PPP2R2C: variants seen among roughly 807,000 people sequenced by gnomAD.
The protein encoded by PPP2R2C is protein phosphatase 2 regulatory subunit Bgamma, also known as protein phosphatase 2, regulatory subunit B, gamma.
A neutral mutation model predicts 45.3 loss-of-function variants in PPP2R2C; 10 were observed. The observed-to-expected ratio is 0.22, with a 90% CI of 0.14 to 0.37. PPP2R2C has a LOEUF of 0.37. Ranked by LOEUF, PPP2R2C falls within the 10% of genes least tolerant of loss-of-function variation. PPP2R2C has a pLI of 1.00. For missense variants in PPP2R2C, 308 were observed against 619.7 expected (o/e 0.50, Z 5.34); for synonymous variants, 257 against 245.4 (o/e 1.05, Z -0.44).
At chr4:6,490,596 A>G (rs1164930659) in intron 2 of PPP2R2C, among the ~76,000 whole-genome samples, 1 of 152,152 alleles carries the variant, frequency 6.6e-6, no homozygotes, top group East Asian at 1.9e-4. Flanking sequence ...GACAGGTGGG[A>G]CAGAGGAATG....
chr4:6,562,815 G>C (rs1021268661), intron 1 of PPP2R2C, among the ~76,000 whole-genome samples: 2 of 152,110 alleles, frequency 1.3e-5, no homozygotes, highest in Non-Finnish European at 2.9e-5. Context: ...GCAGCGTCTC[G>C]GGCCACAGAG....
At chr4:6,455,919 G>A (rs1721000213) in intron 1 of PPP2R2C, among the ~76,000 whole-genome samples, 1 of 152,066 alleles carries the variant, frequency 6.6e-6, no homozygotes, top group African/African-American at 2.4e-5. Context: ...GCTGCAACGG[G>A]CCCACTGCAT....
At chr4:6,506,706 G>A (rs4076293) in intron 2 of PPP2R2C, among the ~76,000 whole-genome samples, 22,716 of 152,252 alleles carry the variant, frequency 0.15, 1,813 homozygotes, top group Non-Finnish European at 0.17. Context: ...TGGGCAGACT[G>A]ACTGGGCTTA....
At chr4:6,558,876 G>A (rs2108845878) in intron 1 of PPP2R2C, among the ~76,000 whole-genome samples, 1 of 152,260 alleles carries the variant, frequency 6.6e-6, no homozygotes, top group Middle Eastern at 3.4e-3. Flanking sequence ...CTCCATCACA[G>A]CCCCCAAAGC....
intron 2 of PPP2R2C, among the ~76,000 whole-genome samples, chr4:6,483,125 AGATAGATAGATAGATAGATT>A (rs1722415513): frequency 2.3e-5 from 2 of 88,470 alleles, no homozygotes; most frequent in South Asian, 8.0e-4. Context: ...ATAGATAGAT[AGATAGATAGATAGATAGATT>A]GATTGATTGA....
chr4:6,443,140 G>C (rs989744165), intron 1 of PPP2R2C, among the ~76,000 whole-genome samples: 5 of 152,128 alleles, frequency 3.3e-5, no homozygotes, highest in Non-Finnish European at 7.3e-5. Flanking sequence ...CTCTGGGAGA[G>C]ATGAGGCCCC....
intron 2 of PPP2R2C, among the ~76,000 whole-genome samples, chr4:6,532,228 G>A (rs1400584429): frequency 2.0e-5 from 3 of 152,196 alleles, no homozygotes; most frequent in African/African-American, 7.2e-5. Context: ...CGACTGCCTT[G>A]GTCATGATCA....
At chr4:6,473,793 T>C (rs1317083710), upstream of PPP2R2C, among the ~76,000 whole-genome samples, 1 of 152,152 alleles carries the variant, frequency 6.6e-6, no homozygotes, top group Non-Finnish European at 1.5e-5. Flanking sequence ...GGTGATGCCG[T>C]CTCAGATTTC....
At chr4:6,512,188 G>T (rs1171298377) in intron 2 of PPP2R2C, among the ~76,000 whole-genome samples, 1 of 83,044 alleles carries the variant, frequency 1.2e-5, no homozygotes, top group Non-Finnish European at 2.5e-5. Context: ...GATGGTGGTG[G>T]TGGTGGTGGT....
chr4:6,406,711 CGCACCACT>C (rs1717819189), intron 1 of PPP2R2C, among the ~76,000 whole-genome samples: 1 of 152,062 alleles, frequency 6.6e-6, no homozygotes, highest in Non-Finnish European at 1.5e-5. Flanking sequence ...GAGCCGAGAT[CGCACCACT>C]GCACTCCAGC....
chr4:6,554,162 C>G (rs2108842148), intron 1 of PPP2R2C, among the ~76,000 whole-genome samples: 1 of 152,272 alleles, frequency 6.6e-6, no homozygotes, highest in South Asian at 2.1e-4. Flanking sequence ...AGGGTCACTG[C>G]AGATGTCATT....
chr4:6,368,769 G>T lies in PPP2R2C; in HGVS notation c.625+3754C>A, dbSNP rs759487914. ...GCCCTGCCTCTCACTCTCTCTCCCC[G>T]GGTCTCCTTGCTGGTTCCCAAGCCG... On this transcript the variant is annotated intron_variant, in intron 5 of 8. Coordinates refer to ENST00000382599, the MANE Select transcript of PPP2R2C (RefSeq NM_020416.4). The surrounding 1 kb of genome is among the most constrained non-coding windows in gnomAD (Gnocchi z 4.2). Among the ~76,000 whole-genome samples, 6 of 151,914 alleles carry T rather than the reference G, an allele frequency of 3.9e-5. No individual in the cohort carries two copies. Among genetic ancestry groups the T allele is most frequent in the Non-Finnish European group, 8.8e-5 (6 of 67,978 alleles).
At chr4:6,463,477 C>G (rs1721434047) in intron 1 of PPP2R2C, among the ~76,000 whole-genome samples, 1 of 152,260 alleles carries the variant, frequency 6.6e-6, no homozygotes, top group Non-Finnish European at 1.5e-5. Flanking sequence ...CTCTGAGCAG[C>G]CTTTGTTCTG....
chr4:6,401,493 A>G (rs564861613), intron 1 of PPP2R2C, among the ~76,000 whole-genome samples: 2 of 152,016 alleles, frequency 1.3e-5, no homozygotes, highest in Admixed American at 1.3e-4. Flanking sequence ...GATGAACAAG[A>G]TGCAGCTATT....
At position 6,325,995 on chromosome 4, in the gene PPP2R2C, G is replaced by A. The variant is rs1398147435; in HGVS notation, c.1053-2402C>T. The stretch of plus-strand genomic sequence containing the variant: ...GCGGAGGTTGCAGCGAGCCGAGATG[G>A]CGCCACTGCACTCCCTATCCCTGTG... On this transcript the variant is annotated intron_variant, in intron 8 of 8. Transcript: ENST00000382599. Among the ~76,000 whole-genome samples, 3 of 152,228 alleles carry A rather than the reference G, an allele frequency of 2.0e-5. No individual in the cohort carries two copies. The East Asian group carries it at 5.8e-4, about 29-fold the overall frequency.
chr4:6,490,665 A>G (rs985062256), intron 2 of PPP2R2C, among the ~76,000 whole-genome samples: 1 of 152,076 alleles, frequency 6.6e-6, no homozygotes, highest in Non-Finnish European at 1.5e-5. Flanking sequence ...GGGGAGGAAG[A>G]CCCATGCTGT....
intron 1 of PPP2R2C, among the ~76,000 whole-genome samples, chr4:6,386,960 C>T (rs2109324806): frequency 6.6e-6 from 1 of 152,150 alleles, no homozygotes; most frequent in African/African-American, 2.4e-5. Flanking sequence ...AAAAAAATCA[C>T]ACCTTAACAG....
At chr4:6,386,341 A>G (rs1013899911) in intron 1 of PPP2R2C, among the ~76,000 whole-genome samples, 4 of 152,214 alleles carry the variant, frequency 2.6e-5, no homozygotes, top group African/African-American at 7.2e-5. Context: ...AGTCTGAGAC[A>G]CTCGCAGCAG....
At chr4:6,393,543 G>A (rs1034976409) in intron 1 of PPP2R2C, among the ~76,000 whole-genome samples, 1 of 152,194 alleles carries the variant, frequency 6.6e-6, no homozygotes, top group African/African-American at 2.4e-5. Flanking sequence ...AGGGACTCAT[G>A]AGCCTACGAA....
Sources: gnomAD v4.1 joint callset for allele counts (sites outside exome capture counted in the v4.1 genomes callset) on GRCh38, gnomAD v4.1.1 for gene constraint, Gnocchi (gnomAD v3.1) non-coding constraint, MANE v1.5 for transcripts, NCBI Gene and HGNC (gene_info 2026-07-23, HGNC 2026-07-21) for gene names.